The following KCNQ3 variants were observed in gnomAD, a reference collection of about 807,000 sequenced individuals.
KCNQ3 encodes the protein potassium voltage-gated channel subfamily KQT member 3.
Under a neutral mutation model 92.5 loss-of-function variants are expected in KCNQ3, and 30 were observed. The observed-to-expected ratio is 0.32, with a 90% confidence interval of 0.24 to 0.44. The LOEUF (loss-of-function observed/expected upper bound fraction) is 0.44, where lower values mean the gene tolerates loss of function less well. Ranked by LOEUF, KCNQ3 falls within the 20% of genes least tolerant of loss-of-function variation. The pLI is 1.00. For missense variants in KCNQ3, 913 were observed against 1,140.3 expected, an observed-to-expected ratio of 0.80 and a Z score of 2.87; for synonymous variants, 450 against 468.8, an observed-to-expected ratio of 0.96 and a Z score of 0.52.
At chr8:132,275,723 G>A (rs557984327) in intron 1 of KCNQ3, among the ~76,000 whole-genome samples, 22 of 152,144 alleles carry the variant, frequency 1.4e-4, no homozygotes, top group African/African-American at 4.8e-4. Context: ...GACTACAGGC[G>A]CCTGCCACCA....
chr8:132,309,693 G>T (rs540318149), intron 1 of KCNQ3, among the ~76,000 whole-genome samples: 1 of 152,294 alleles, frequency 6.6e-6, no homozygotes, highest in East Asian at 1.9e-4. Flanking sequence ...TGCATGACCA[G>T]GATTTCACCA....
chr8:132,388,948 A>G (rs942491045), intron 1 of KCNQ3, among the ~76,000 whole-genome samples: 4 of 152,252 alleles, frequency 2.6e-5, no homozygotes, highest in African/African-American at 9.6e-5. Flanking sequence ...GATAAAGCAG[A>G]TTCTTAAAAA....
At chr8:132,161,647 A>AAAAAAG (rs912844710) in intron 9 of KCNQ3, among the ~76,000 whole-genome samples, 1 of 152,026 alleles carries the variant, frequency 6.6e-6, no homozygotes, top group Non-Finnish European at 1.5e-5. Context: ...AACAAAAAAC[A>AAAAAAG]AAAAAGAAAA....
Position 132,132,087 on chromosome 8 carries a change from T to TA in KCNQ3, c.1884+92dup, listed in dbSNP as rs533420153. 36,728 of 747,860 alleles carry TA rather than the reference T, an allele frequency of 0.049. 63 individuals are homozygous for TA. Among genetic ancestry groups the TA allele is most frequent in the East Asian group, 0.093 (2,770 of 29,914 alleles). 46.3% of individuals were successfully genotyped at this position (747,860 alleles called of 1,614,324 possible). ...TGGGCAACAGAGTGAACCTTCGTCT[T>TA]AAAAAAAAAAAAGAAAGAAAGAAAA... On this transcript the variant is annotated intron_variant, in intron 14 of 14. Coordinates refer to ENST00000388996, the MANE Select transcript of KCNQ3 (RefSeq NM_004519.4).
intron 1 of KCNQ3, among the ~76,000 whole-genome samples, chr8:132,341,231 C>A (rs962143985): frequency 3.3e-5 from 5 of 152,206 alleles, no homozygotes; most frequent in Non-Finnish European, 5.9e-5. Flanking sequence ...TGCGTGACTA[C>A]CTCGCAGGCA....
At chr8:132,208,603 A>AAGAG (rs1251797693) in intron 1 of KCNQ3, among the ~76,000 whole-genome samples, 3 of 152,132 alleles carry the variant, frequency 2.0e-5, no homozygotes, top group African/African-American at 7.2e-5. Flanking sequence ...TATGTAGAAA[A>AAGAG]AGAGGGGTAG....
chr8:132,283,079 T>C (rs1378173272), intron 1 of KCNQ3, among the ~76,000 whole-genome samples: 5 of 147,422 alleles, frequency 3.4e-5, no homozygotes, highest in Admixed American at 3.3e-4. Context: ...TGAGGATCTC[T>C]CTCTCTCTCT....
At chr8:132,334,733 A>C (rs374861585) in intron 1 of KCNQ3, among the ~76,000 whole-genome samples, 1 of 152,296 alleles carries the variant, frequency 6.6e-6, no homozygotes, top group East Asian at 1.9e-4. Flanking sequence ...GATACATTCA[A>C]GAGCGTTTCT....
intron 4 of KCNQ3, 90 bp from the exon 5 acceptor site, chr8:132,175,698 G>A: frequency 8.1e-7 from 1 of 1,238,762 alleles, no homozygotes; most frequent in South Asian, 1.3e-5. Flanking sequence ...TAGAGTCCAA[G>A]TTTACCAGCT....
At chr8:132,403,144 ACT>A (rs1346851217) in intron 1 of KCNQ3, among the ~76,000 whole-genome samples, 1 of 151,900 alleles carries the variant, frequency 6.6e-6, no homozygotes, top group Non-Finnish European at 1.5e-5. Context: ...AACCCTCTGT[ACT>A]CTCTGCTCAA....
chr8:132,174,424 T>C (rs953764588), intron 5 of KCNQ3, 75 bp from the exon 6 acceptor site: 7 of 1,112,262 alleles, frequency 6.3e-6, no homozygotes, highest in Non-Finnish European at 9.4e-6. Context: ...GAGCTCTACC[T>C]GTAAGCCTCT....
chr8:132,455,165 G>A (rs987455899), intron 1 of KCNQ3, among the ~76,000 whole-genome samples: 3 of 152,174 alleles, frequency 2.0e-5, no homozygotes, highest in African/African-American at 7.2e-5. Flanking sequence ...TGCCCAGGCT[G>A]GAATACAGTG....
intron 1 of KCNQ3, among the ~76,000 whole-genome samples, chr8:132,212,142 T>C (rs568809454): frequency 1.3e-3 from 199 of 152,138 alleles, no homozygotes; most frequent in Non-Finnish European, 2.4e-3. Context: ...TGATGCATTA[T>C]TTGCATCTTT....
At chr8:132,243,022 A>G (rs1815044173) in intron 1 of KCNQ3, among the ~76,000 whole-genome samples, 1 of 152,222 alleles carries the variant, frequency 6.6e-6, no homozygotes, top group African/African-American at 2.4e-5. Context: ...AATATTTTTG[A>G]GGAGGAATAA....
intron 1 of KCNQ3, chr8:132,278,078 T>C (rs1816396295): frequency 1.0e-6 from 1 of 985,172 alleles, no homozygotes; most frequent in Non-Finnish European, 1.2e-6. Flanking sequence ...CCAAAATCTG[T>C]CCATCCTCAA....
chr8:132,357,893 C>T (rs1457789), intron 1 of KCNQ3, among the ~76,000 whole-genome samples: 2,615 of 152,326 alleles, frequency 0.017, 28 homozygotes, highest in Non-Finnish European at 0.027. Context: ...ATGTCCTTCC[C>T]TAAAGGCCTT....
intron 10 of KCNQ3, 168 bp from the exon 11 acceptor site, chr8:132,140,346 C>A: frequency 1.7e-6 from 1 of 588,758 alleles, no homozygotes; most frequent in Non-Finnish European, 3.0e-6. Context: ...GCTGTTCAGC[C>A]TTTCTTGGCA....
chr8:132,424,331 T>G (rs1323052240), intron 1 of KCNQ3, among the ~76,000 whole-genome samples: 1 of 152,054 alleles, frequency 6.6e-6, no homozygotes, highest in African/African-American at 2.4e-5. Context: ...CACAAGTACT[T>G]GACAATTCCA....
intron 9 of KCNQ3, among the ~76,000 whole-genome samples, chr8:132,143,368 T>C (rs184961592): frequency 2.6e-5 from 4 of 152,278 alleles, no homozygotes; most frequent in East Asian, 3.9e-4. Context: ...CTGCGCTGTA[T>C]GGAGACAGTA....
Sources: allele counts gnomAD v4.1 joint callset (sites outside exome capture counted in the v4.1 genomes callset), GRCh38; gene constraint gnomAD v4.1.1; transcripts MANE v1.5; gene names NCBI Gene and HGNC (gene_info 2026-07-23, HGNC 2026-07-21).